ATRX: variants seen among roughly 807,000 people sequenced by gnomAD.
ATRX encodes the protein chromatin remodeler ATRX.
In ATRX, 12 loss-of-function variants were observed where a neutral mutation model predicts 172.6. The ratio of observed to expected loss-of-function variants is 0.07; its 90% confidence interval spans 0.04 to 0.11. The LOEUF (loss-of-function observed/expected upper bound fraction) is 0.11, where lower values mean the gene tolerates loss of function less well. Among genes scored for constraint, ATRX ranks in the 10% least tolerant of loss-of-function variants. The pLI is 1.00. For missense variants in ATRX, 1,368 were observed against 1,767.4 expected (o/e 0.77, Z 4.05); for synonymous variants, 674 against 594.7 (o/e 1.13, Z -1.94).
In ATRX at chrX:77,663,442, C is replaced by T. The variant is rs782091746; in HGVS notation, c.4060G>A (p.Glu1354Lys). Residue 1354 changes from glutamate (E) to lysine (K), a missense_variant, in exon 12 of 35, where the codon GAA becomes AAA. By Grantham distance (56) the Glu-to-Lys change is moderately conservative (BLOSUM62 1). Transcript: ENST00000373344. ...TCTTTAGGCTTTGTCTTTTTTTCTT[C>T]TCCAGATTCTCCGTCACTCACAGTC... is the stretch of plus-strand genomic sequence containing the variant. ...KLTVSDGESG[E>K]EKKTKPKEHK... 3 of 1,209,612 alleles carry T rather than the reference C, an allele frequency of 2.5e-6. No individual in the cohort carries two copies. The highest frequency in any genetic ancestry group is 3.4e-6 in the Non-Finnish European group (3 of 895,064).
At chrX:77,755,083 T>A (rs2075438756) in intron 1 of ATRX, among the ~76,000 whole-genome samples, 1 of 112,636 alleles carries the variant, frequency 8.9e-6, no homozygotes, top group Admixed American at 9.4e-5. Context: ...TTTCAGTAAG[T>A]TCATCTTCAA....
chrX:77,682,859 C>G lies in ATRX; in HGVS notation c.2397G>C (p.Lys799Asn), dbSNP rs782253706. The G allele has an allele frequency of 3.2e-5, 39 of 1,206,960 alleles. No individual in the cohort carries two copies. Among genetic ancestry groups the G allele is most frequent in the Non-Finnish European group, 5.6e-6 (5 of 894,526 alleles). The change falls in exon 9 of 35, where the codon AAG becomes AAC. Residue 799 changes from lysine (K) to asparagine (N), a missense_variant. Lys to Asn is a moderately conservative substitution (Grantham distance 94, BLOSUM62 0). Around this residue, in one of 17 missense-constraint regions of ATRX, gnomAD observed 843 missense variants for 643.1 expected, o/e 1.31. Transcript: ENST00000373344. ...GTTTCTTTTTAGAAATTATAGAGCT[C>G]TTAGCTGATTTGCCCTTTTTAGTAT... ...DFDTKKGKSAKSSIISKKKRQ... is the reference protein window; with the variant it reads ...DFDTKKGKSANSSIISKKKRQ...
At chrX:77,711,530 A>T in intron 2 of ATRX, among the ~76,000 whole-genome samples, 1 of 112,626 alleles carries the variant, frequency 8.9e-6, no homozygotes. Context: ...ACAGGATACA[A>T]GGCCAACATA....
At chrX:77,612,518 T>C (rs2067201614) in intron 22 of ATRX, among the ~76,000 whole-genome samples, 1 of 110,468 alleles carries the variant, frequency 9.1e-6, no homozygotes. Flanking sequence ...CACACCACCA[T>C]GGCACATGTA....
At chrX:77,656,332 G>A (rs1483119024) in intron 13 of ATRX, among the ~76,000 whole-genome samples, 1 of 111,506 alleles carries the variant, frequency 9.0e-6, no homozygotes, top group Non-Finnish European at 1.9e-5. Context: ...CTGCAGACAC[G>A]AGTGGTTTTG....
intron 25 of ATRX, chrX:77,596,086 C>A (rs1302036963): frequency 8.9e-6 from 1 of 111,735 alleles, no homozygotes; most frequent in Non-Finnish European, 1.9e-5. Flanking sequence ...CTCAGAAAAA[C>A]GAGACAGCTA....
chrX:77,760,404 A>G (rs1557192243), intron 1 of ATRX, among the ~76,000 whole-genome samples: 1 of 98,721 alleles, frequency 1.0e-5, no homozygotes, highest in African/African-American at 3.7e-5. Flanking sequence ...ATAGGTGGGA[A>G]CTGAACAATG....
chrX:77,726,441 G>C (rs1457335555), intron 1 of ATRX, among the ~76,000 whole-genome samples: 1 of 96,763 alleles, frequency 1.0e-5, no homozygotes, highest in Non-Finnish European at 2.1e-5. Context: ...CTTGGACACA[G>C]GAAGGGGAAC....
chrX:77,586,830 G>A (rs1363975558), intron 27 of ATRX, among the ~76,000 whole-genome samples: 6 of 111,378 alleles, frequency 5.4e-5, no homozygotes, highest in Admixed American at 9.6e-5. Flanking sequence ...AGGCCAAGGC[G>A]GGTGGATCAC....
chrX:77,615,985 C>T (rs1456594691), intron 22 of ATRX: 1 of 751,482 alleles, frequency 1.3e-6, no homozygotes, highest in South Asian at 6.8e-5. Flanking sequence ...TGTGTGAAGA[C>T]AGACATCTTC....
rs122445108 is a variant in ATRX, at chrX:77,717,155, G to A, written c.109C>T (p.Arg37Ter). Residue 37 changes from arginine to a stop codon, truncating the protein, a stop_gained, in exon 2 of 35, where the codon CGA becomes TGA. Transcript: ENST00000373344. LOFTEE classifies it high-confidence loss of function. ...CCTGTGTTTTGATTCATTGCAAGTC[G>A]TGGAGGAGAACTTGTTTCTTCAGAT... ...EESEETSSPPRLAMNQNTDKI... is the reference protein window; with the variant it reads ...EESEETSSPP 8.3e-7 allele frequency: 1 copy of A among 1,207,923 alleles called. No individual in the cohort carries two copies. Among genetic ancestry groups the A allele is most frequent in the Non-Finnish European group, 1.1e-6 (1 of 892,216 alleles).
chrX:77,637,552 C>T (rs2068444206), intron 15 of ATRX, among the ~76,000 whole-genome samples: 1 of 110,928 alleles, frequency 9.0e-6, no homozygotes, highest in African/African-American at 3.3e-5. Context: ...TGCTCTTAAA[C>T]ATTACAAAAT....
chrX:77,731,857 C>A (rs1477609745), intron 1 of ATRX, among the ~76,000 whole-genome samples: 1 of 111,011 alleles, frequency 9.0e-6, no homozygotes, highest in Non-Finnish European at 1.9e-5. Context: ...TAAAATTCTT[C>A]ACCTTCACCA....
intron 10 of ATRX, among the ~76,000 whole-genome samples, chrX:77,668,583 A>C (rs2070380246): frequency 9.0e-6 from 1 of 111,036 alleles, no homozygotes; most frequent in Admixed American, 9.6e-5. Context: ...TAATGGAGCC[A>C]CTCCTCCATT....
chrX:77,524,583 T>C (rs1557042997), intron 30 of ATRX, among the ~76,000 whole-genome samples: 3 of 111,358 alleles, frequency 2.7e-5, no homozygotes, highest in African/African-American at 6.5e-5. Context: ...GTTTTTTTTC[T>C]ATATAATAGC....
intron 20 of ATRX, 115 bp downstream of exon 20, chrX:77,620,280 G>T: frequency 1.2e-6 from 1 of 801,994 alleles, no homozygotes; most frequent in Admixed American, 2.7e-5. Context: ...AACCTATGTA[G>T]ATCATGGTCT....
At chrX:77,578,229 C>T (rs1182364508) in intron 27 of ATRX, among the ~76,000 whole-genome samples, 3 of 111,280 alleles carry the variant, frequency 2.7e-5, no homozygotes, top group Non-Finnish European at 1.9e-5. Context: ...CTATCTAGGC[C>T]ACAAGGACTG....
intron 1 of ATRX, among the ~76,000 whole-genome samples, chrX:77,741,080 G>A (rs1603297450): frequency 9.1e-6 from 1 of 110,256 alleles, no homozygotes; most frequent in East Asian, 2.9e-4. Flanking sequence ...ACATGTGGTA[G>A]TGTGAGTCTG....
intron 30 of ATRX, among the ~76,000 whole-genome samples, chrX:77,556,901 G>A (rs1398137896): frequency 8.9e-6 from 1 of 111,734 alleles, no homozygotes; most frequent in Non-Finnish European, 1.9e-5. Context: ...GTAAACTTGG[G>A]TAAGTTACCT....
Sources: allele counts gnomAD v4.1 joint callset (sites outside exome capture counted in the v4.1 genomes callset), GRCh38; gene constraint gnomAD v4.1.1; regional missense constraint gnomAD v4.1.1; transcripts MANE v1.5; gene names NCBI Gene and HGNC (gene_info 2026-07-23, HGNC 2026-07-21).